Variants in SLC12A6 observed in about 807,000 individuals in gnomAD.
SLC12A6 encodes K-Cl cotransporter 3.
A neutral mutation model predicts 135.3 loss-of-function variants in SLC12A6; 66 were observed. The ratio of observed to expected loss-of-function variants is 0.49; its 90% CI spans 0.40 to 0.60. The LOEUF (loss-of-function observed/expected upper bound fraction) is 0.60, where lower values mean the gene tolerates loss of function less well. Ranked by LOEUF, SLC12A6 falls within the 20% of genes least tolerant of loss-of-function variation. SLC12A6 has a pLI of 0.00. For missense variants in SLC12A6, 1,058 were observed against 1,452.3 expected, an observed-to-expected ratio of 0.73 and a Z score of 4.41; for synonymous variants, 513 against 508.8, an observed-to-expected ratio of 1.01 and a Z score of -0.11.
chr15:34,279,398 G>C (rs573120084), intron 2 of SLC12A6, among the ~76,000 whole-genome samples: 1 of 152,042 alleles, frequency 6.6e-6, no homozygotes, highest in Non-Finnish European at 1.5e-5. Context: ...ATATAGGCCC[G>C]TGAACCCACT....
chr15:34,231,268 A>G lies in SLC12A6; in HGVS notation c.*2613T>C, dbSNP rs1480154404. 6.6e-6 allele frequency: 1 copy of G among 152,248 alleles called. No homozygotes were observed. The highest frequency in any genetic ancestry group is 1.5e-5 in the Non-Finnish European group (1 of 68,158). 9.4% of individuals were successfully genotyped at this position (152,248 alleles called of 1,614,324 possible). A position where few individuals can be genotyped will look rare whatever the true frequency, so the allele number is the denominator to read the frequency against. On this transcript the variant is annotated 3_prime_UTR_variant, in exon 26 of 26. Transcript: ENST00000354181. ...TTCCAGCTACTCGGGAGGCTGAGGC[A>G]GGAGAATCGCTTGAACCCAGGAGGC...
At chr15:34,316,011 C>T (rs1471741441) in intron 2 of SLC12A6, among the ~76,000 whole-genome samples, 3 of 152,070 alleles carry the variant, frequency 2.0e-5, no homozygotes, top group African/African-American at 4.8e-5. Context: ...GAACTGAGCC[C>T]ACAATATTTC....
intron 2 of SLC12A6, among the ~76,000 whole-genome samples, chr15:34,316,472 T>TA (rs1053336246): frequency 3.3e-5 from 5 of 152,188 alleles, no homozygotes; most frequent in African/African-American, 1.2e-4. Flanking sequence ...AACCTTATAA[T>TA]AAAGGCAAGT....
In SLC12A6 at chr15:34,250,365, TGA is replaced by T. The variant is rs773962735; in HGVS notation, c.1592-12_1592-11del. ...ACAACATTGCTTAAATCTACCATAT[TGA>T]GAGTCAAGGAAACTGTTGTTTACCC... On this transcript the variant is annotated splice_polypyrimidine_tract_variant and intron_variant, in intron 12 of 25. Coordinates refer to ENST00000354181, the MANE Select transcript of SLC12A6 (RefSeq NM_001365088.1). 1.9e-6 allele frequency: 3 copies of T among 1,568,242 alleles called. No homozygotes were observed. The highest frequency in any genetic ancestry group is 3.3e-5 in the Admixed American group (2 of 59,984).
At chr15:34,300,465 C>T (rs1896164717) in intron 2 of SLC12A6, among the ~76,000 whole-genome samples, 1 of 152,010 alleles carries the variant, frequency 6.6e-6, no homozygotes, top group South Asian at 2.1e-4. Context: ...TCCCCTACTC[C>T]CCTACCCCTA....
At chr15:34,278,867 C>T (rs896524607) in intron 2 of SLC12A6, among the ~76,000 whole-genome samples, 2 of 152,068 alleles carry the variant, frequency 1.3e-5, no homozygotes, top group Non-Finnish European at 1.5e-5. Context: ...CTGAGTCCAG[C>T]CAGAAACAAG....
intron 2 of SLC12A6, among the ~76,000 whole-genome samples, chr15:34,324,787 G>A (rs1889355937): frequency 6.6e-6 from 1 of 152,052 alleles, no homozygotes. Flanking sequence ...AGAAGGTTAG[G>A]CGAACATGAA....
intron 22 of SLC12A6, 44 bp from the exon 23 acceptor site, chr15:34,236,859 AAAG>A: frequency 9.4e-7 from 1 of 1,061,030 alleles, no homozygotes; most frequent in South Asian, 1.2e-5. Context: ...CACAAAGGAG[AAAG>A]AAGGATGAAC....
At chr15:34,246,213 G>A (rs1271668679) in intron 13 of SLC12A6, among the ~76,000 whole-genome samples, 1 of 152,022 alleles carries the variant, frequency 6.6e-6, no homozygotes, top group African/African-American at 2.4e-5. Context: ...GATTACAGGC[G>A]TGAACCACTG....
chr15:34,262,533 G>A (rs553564749), intron 3 of SLC12A6, among the ~76,000 whole-genome samples: 32 of 152,166 alleles, frequency 2.1e-4, no homozygotes, highest in Admixed American at 9.2e-4. Context: ...CTCTGCCAGT[G>A]GAGGGCAGCT....
intron 13 of SLC12A6, among the ~76,000 whole-genome samples, chr15:34,249,448 T>G (rs558384840): frequency 1.8e-4 from 28 of 152,170 alleles, no homozygotes; most frequent in Non-Finnish European, 2.9e-4. Context: ...GCACCTGTGG[T>G]CCCAGCTACT....
intron 2 of SLC12A6, among the ~76,000 whole-genome samples, chr15:34,333,018 T>G (rs1257550049): frequency 6.6e-6 from 1 of 152,082 alleles, no homozygotes; most frequent in Non-Finnish European, 1.5e-5. Flanking sequence ...CTCATTTATT[T>G]TGTTATTTTT....
intron 2 of SLC12A6, among the ~76,000 whole-genome samples, chr15:34,314,267 G>A (rs1425818286): frequency 1.3e-5 from 2 of 152,080 alleles, no homozygotes; most frequent in African/African-American, 2.4e-5. Context: ...AGCTGGTCTC[G>A]AACTCCTGAC....
chr15:34,236,122 G>A lies in SLC12A6; in HGVS notation c.3120C>T (p.Thr1040=), dbSNP rs571120129. Residue 1040 remains threonine, a synonymous_variant, in exon 24 of 26, where the codon ACC becomes ACT. Transcript: ENST00000354181. The part of the protein sequence containing the change: ...IGSDEDEETE[T]YQEKVHMTWT... ...AAGTCATGTGCACCTTCTCCTGATA[G>A]GTTTCTGTCTCTTCGTCCTCATCAG... is the stretch of plus-strand genomic sequence containing the variant. 506 of 1,613,524 alleles carry A rather than the reference G, an allele frequency of 3.1e-4. 1 individual carries two copies. The highest frequency in any genetic ancestry group is 1.1e-5 in the Non-Finnish European group (13 of 1,179,556).
Position 34,337,589 on chromosome 15 carries a change from G to C in SLC12A6, c.-330C>G, listed in dbSNP as rs1226880298. ...GAGCCACCCCCTTTGCCGGAGGCGC[G>C]TTCTCCCCTACCCCCGCCCCGGCGC... On this transcript the variant is annotated 5_prime_UTR_variant, in exon 1 of 26. Transcript: ENST00000354181. The C allele has an allele frequency of 6.6e-6, 1 of 152,494 alleles. No homozygotes were observed. Among genetic ancestry groups the C allele is most frequent in the African/African-American group, 2.4e-5 (1 of 41,450 alleles). 9.4% of individuals were successfully genotyped at this position (152,494 alleles called of 1,614,324 possible).
At chr15:34,253,268 T>G (rs1247484689) in intron 9 of SLC12A6, among the ~76,000 whole-genome samples, 8 of 152,204 alleles carry the variant, frequency 5.3e-5, no homozygotes, top group Non-Finnish European at 8.8e-5. Context: ...TTTTTTGTCT[T>G]GTTTTGCTGG....
At chr15:34,236,296 C>G in intron 23 of SLC12A6, 97 bp from the exon 24 acceptor site, 2 of 868,118 alleles carry the variant, frequency 2.3e-6, no homozygotes, top group Non-Finnish European at 3.8e-6. Flanking sequence ...AGTGGAATAA[C>G]TGACAGAGTG....
intron 2 of SLC12A6, among the ~76,000 whole-genome samples, chr15:34,297,297 T>C (rs1895939370): frequency 6.6e-6 from 1 of 152,098 alleles, no homozygotes; most frequent in African/African-American, 2.4e-5. Context: ...AACGTTCCTT[T>C]TTAAAAGGAA....
chr15:34,325,617 G>A (rs529495448), intron 2 of SLC12A6, among the ~76,000 whole-genome samples: 68 of 152,118 alleles, frequency 4.5e-4, no homozygotes, highest in African/African-American at 1.3e-3. Flanking sequence ...CTCTTTGGTT[G>A]GTGATTTATA....
Sources: allele counts gnomAD v4.1 joint callset (sites outside exome capture counted in the v4.1 genomes callset), GRCh38; gene constraint gnomAD v4.1.1; transcripts MANE v1.5; gene names NCBI Gene and HGNC (gene_info 2026-07-23, HGNC 2026-07-21).